The following FBXO47 variants were observed in gnomAD, a reference collection of about 807,000 sequenced individuals.
FBXO47 encodes F-box protein 47.
A neutral mutation model predicts 53.9 loss-of-function variants in FBXO47; 34 were observed. That is an observed-to-expected ratio of 0.63 (90% CI 0.48 to 0.84). FBXO47 has a LOEUF of 0.84. Among genes scored for constraint, FBXO47 ranks in the 40% least tolerant of loss-of-function variants. The pLI is 0.00. For synonymous variants in FBXO47, 165 were observed against 181.6 expected (o/e 0.91, Z 0.73); for missense variants, 485 against 541.3 (o/e 0.90, Z 1.03).
At position 38,937,115 on chromosome 17, in the gene FBXO47, G is replaced by A; in HGVS notation, c.*60C>T. 1.5e-6 allele frequency: 1 copy of A among 650,598 alleles called. No homozygotes were observed. The highest frequency in any genetic ancestry group is 3.0e-5 in the East Asian group (1 of 33,812). The allele number at this position is 650,598 out of a possible 1,614,324, so 40.3% of individuals were successfully genotyped here. On this transcript the variant is annotated 3_prime_UTR_variant, in exon 11 of 11. Transcript: ENST00000378079. The stretch of plus-strand genomic sequence containing the variant: ...TGGATGCTATTTTTTGAGTGAAAAA[G>A]TAGCACTCCTCTAATCATTCGTTCA...
intron 1 of FBXO47, among the ~76,000 whole-genome samples, chr17:38,966,877 AAAT>A (rs567949701): frequency 2.9e-4 from 44 of 152,180 alleles, no homozygotes; most frequent in African/African-American, 8.4e-4. Flanking sequence ...TCACAGCCCC[AAAT>A]AATAATAATA....
chr17:38,938,773 G>T (rs746738392), intron 9 of FBXO47, 41 bp from the exon 10 acceptor site: 1 of 1,443,466 alleles, frequency 6.9e-7, no homozygotes, highest in Non-Finnish European at 9.4e-7. Flanking sequence ...TTCATGTGAA[G>T]AAAGCTATAG....
chr17:38,951,765 TC>T, intron 5 of FBXO47, 76 bp from the exon 6 acceptor site: 1 of 1,104,612 alleles, frequency 9.1e-7, no homozygotes, highest in Non-Finnish European at 1.3e-6. Flanking sequence ...GCATGGTGGC[TC>T]ACGCCTGTAA....
Position 38,943,647 on chromosome 17 carries a change from C to A in FBXO47, c.883G>T (p.Ala295Ser), listed in dbSNP as rs145726267. ...LADAIKLLYD[A>S]STKEWTADDV... ...TCTGCTGTCCACTCTTTAGTGCTAG[C>A]GTCATATAGTAACTTAATGGCATCA... The change falls in exon 8 of 11, where the codon GCT (alanine) becomes TCT (serine). Residue 295 changes from alanine (A) to serine (S), a missense_variant. By Grantham distance (99) the Ala-to-Ser change is moderately conservative. Coordinates refer to ENST00000378079, the MANE Select transcript of FBXO47 (RefSeq NM_001008777.3). 21 of 1,609,294 alleles carry A rather than the reference C, an allele frequency of 1.3e-5. No homozygotes were observed. In the Admixed American group the frequency reaches 3.4e-4, roughly 26 times the overall value.
chr17:38,955,957 C>CAAAA (rs1189307052), intron 4 of FBXO47, among the ~76,000 whole-genome samples: 1 of 82,556 alleles, frequency 1.2e-5, no homozygotes, highest in East Asian at 3.5e-4. Flanking sequence ...GACTCCATCT[C>CAAAA]CAAAAAAAAA....
rs192547748 is a variant in FBXO47, at chr17:38,946,950, A to G, written c.617-1814T>C. On this transcript the variant is annotated intron_variant, in intron 6 of 10. Coordinates refer to ENST00000378079, the MANE Select transcript of FBXO47 (RefSeq NM_001008777.3). ...AACATATAAATATATATAAACATAT[A>G]TAAATATATAAACATATATAAATAT... Among the ~76,000 whole-genome samples the G allele has an allele frequency of 9.1e-3, 1,111 of 121,900 alleles. 34 individuals carry two copies. The highest frequency in any genetic ancestry group is 0.034 in the African/African-American group (1,054 of 31,008). 80.0% of individuals were successfully genotyped at this position (121,900 alleles called of 152,430 possible).
rs58127654 is a variant in FBXO47 at position 38,962,608 on chromosome 17, A to AAATAATAATAATAAT, written c.181+222_181+236dup. Among the ~76,000 whole-genome samples the AAATAATAATAATAAT allele has an allele frequency of 1.8e-3, 262 of 146,300 alleles. 4 individuals are homozygous for AAATAATAATAATAAT. In the East Asian group the frequency reaches 0.036, roughly 20 times the overall value. ...GCAACAAGAGCAAAACTCCATCTCA[A>AAATAATAATAATAAT]AATAATAATAATAATAATAATAATA... On this transcript the variant is annotated intron_variant, in intron 2 of 10. Coordinates refer to ENST00000378079, the MANE Select transcript of FBXO47 (RefSeq NM_001008777.3).
At chr17:38,939,919 G>A (rs1262676493) in intron 9 of FBXO47, among the ~76,000 whole-genome samples, 3 of 150,258 alleles carry the variant, frequency 2.0e-5, no homozygotes, top group Admixed American at 6.6e-5. Context: ...CACCCGCCTC[G>A]GCCTCCCAAA....
chr17:38,951,647 A>G lies in FBXO47; in HGVS notation c.550T>C (p.Tyr184His). ...TTAGTCAGTTCGCATAAGAAATTAT[A>G]AACGCGATGGCACTCAAGTTCATCC... The part of the protein sequence containing the change: ...GWDELECHRV[Y>H]NFLCELTNLC... The change falls in exon 6 of 11, where the codon TAT (tyrosine) becomes CAT (histidine). Residue 184 changes from tyrosine (Y) to histidine (H), a missense_variant. Coordinates refer to ENST00000378079, the MANE Select transcript of FBXO47 (RefSeq NM_001008777.3). The G allele has an allele frequency of 1.2e-6, 2 of 1,614,106 alleles. No individual in the cohort carries two copies. The highest frequency in any genetic ancestry group is 1.7e-6 in the Non-Finnish European group (2 of 1,179,988).
intron 9 of FBXO47, among the ~76,000 whole-genome samples, chr17:38,939,293 CAAAAAAAAAA>C (rs1218321299): frequency 4.6e-4 from 16 of 34,858 alleles, no homozygotes; most frequent in African/African-American, 1.7e-3. Context: ...ACTCCATCTC[CAAAAAAAAAA>C]AAAAAAAAAA....
chr17:38,946,343 AATATATAAATATAT>A (rs1567716590), intron 6 of FBXO47, among the ~76,000 whole-genome samples: 1 of 52,656 alleles, frequency 1.9e-5, no homozygotes, highest in African/African-American at 8.6e-5. Flanking sequence ...AATATATATA[AATATATAAATATAT>A]ATAAATATAT....
intron 1 of FBXO47, among the ~76,000 whole-genome samples, chr17:38,964,276 A>G (rs1201164825): frequency 1.3e-5 from 2 of 152,136 alleles, no homozygotes; most frequent in East Asian, 3.9e-4. Context: ...CCTGACCAAC[A>G]TGGTGAAACC....
At chr17:38,966,545 T>C (rs2143983381) in intron 1 of FBXO47, among the ~76,000 whole-genome samples, 1 of 152,302 alleles carries the variant, frequency 6.6e-6, no homozygotes, top group African/African-American at 2.4e-5. Flanking sequence ...ATAGCATAAA[T>C]CCGGCCTTGG....
chr17:38,945,128 G>C lies in FBXO47; in HGVS notation c.625C>G (p.Gln209Glu), dbSNP rs766820842. The change falls in exon 7 of 11, where the codon CAA becomes GAA. Residue 209 changes from glutamine (Q) to glutamate (E), a missense_variant. By Grantham distance (29) the Gln-to-Glu change is conservative. Transcript: ENST00000378079. ...MAVCSKPGSA[Q>E]KLELRIRLFC... ...AGTCTGATTCTTAACTCCAGTTTTT[G>C]GGCACTTCCTATGAAGACAAAAGAA... 1 of 1,608,122 alleles carries C rather than the reference G, an allele frequency of 6.2e-7. No individual in the cohort carries two copies. Among genetic ancestry groups the C allele is most frequent in the Admixed American group, 1.7e-5 (1 of 59,872 alleles).
chr17:38,950,884 T>C (rs2143932895), intron 6 of FBXO47, among the ~76,000 whole-genome samples: 1 of 152,160 alleles, frequency 6.6e-6, no homozygotes, highest in African/African-American at 2.4e-5. Context: ...CCTTTTACTG[T>C]AGATGTGTGC....
intron 3 of FBXO47, among the ~76,000 whole-genome samples, chr17:38,960,630 C>CTTTTT (rs947161295): frequency 7.5e-6 from 1 of 132,522 alleles, no homozygotes; most frequent in Non-Finnish European, 1.6e-5. Flanking sequence ...AATTCTTTCT[C>CTTTTT]TTTTTTTTTT....
chr17:38,957,503 C>A lies in FBXO47; in HGVS notation c.353-250G>T, dbSNP rs79128197. 8.8e-3 allele frequency among the ~76,000 whole-genome samples: 1,344 copies of A among 152,078 alleles called. 26 individuals are homozygous for A. Among genetic ancestry groups the A allele is most frequent in the African/African-American group, 0.031 (1,299 of 41,506 alleles). ...CTTGCAAAAAATTGTTAAATTGCTA[C>A]TATAGGACACATGGAAAAATACATA... On this transcript the variant is annotated intron_variant, in intron 3 of 10. Coordinates refer to ENST00000378079, the MANE Select transcript of FBXO47 (RefSeq NM_001008777.3).
intron 9 of FBXO47, among the ~76,000 whole-genome samples, chr17:38,940,303 A>G (rs940200734): frequency 3.3e-5 from 5 of 151,970 alleles, no homozygotes; most frequent in African/African-American, 1.2e-4. Flanking sequence ...CATGTTAATC[A>G]GAGAAGGCTT....
intron 3 of FBXO47, among the ~76,000 whole-genome samples, chr17:38,959,990 T>C (rs1373143282): frequency 6.6e-6 from 1 of 151,898 alleles, no homozygotes; most frequent in Non-Finnish European, 1.5e-5. Flanking sequence ...ATTTTTTGTA[T>C]AAATGGGGAT....
Sources: allele counts gnomAD v4.1 joint callset (sites outside exome capture counted in the v4.1 genomes callset), GRCh38; gene constraint gnomAD v4.1.1; transcripts MANE v1.5; gene names NCBI Gene and HGNC (gene_info 2026-07-23, HGNC 2026-07-21).